Variants in PHF14 observed in about 807,000 individuals in gnomAD.
PHF14 encodes PHD finger protein 14.
PHF14 carries 55 observed loss-of-function variants against 117.9 expected under a neutral mutation model. That is an observed-to-expected ratio of 0.47 (90% CI 0.38 to 0.58). PHF14 has a LOEUF of 0.58. Ranked by LOEUF, PHF14 falls within the 20% of genes least tolerant of loss-of-function variation. The probability of loss-of-function intolerance (pLI) is 0.00; values close to 1 mark genes in which losing one functional copy is unlikely to be tolerated. For synonymous variants in PHF14, 409 were observed against 368.6 expected, an observed-to-expected ratio of 1.11 and a Z score of -1.26; for missense variants, 978 against 1,122.2, an observed-to-expected ratio of 0.87 and a Z score of 1.84.
At chr7:11,061,634 G>A in intron 14 of PHF14, 157 bp from the exon 15 acceptor site, 1 of 430,456 alleles carries the variant, frequency 2.3e-6, no homozygotes, top group Non-Finnish European at 4.1e-6. Context: ...GTAACAAAGT[G>A]CAGTAGTCCA....
chr7:11,131,481 T>G (rs528783003), intron 17 of PHF14, among the ~76,000 whole-genome samples: 1 of 151,914 alleles, frequency 6.6e-6, no homozygotes, highest in Non-Finnish European at 1.5e-5. Context: ...CTTTGGCCTG[T>G]TTTTTAAATT....
chr7:10,976,626 A>C (rs1341108689), intron 2 of PHF14, among the ~76,000 whole-genome samples: 1 of 152,088 alleles, frequency 6.6e-6, no homozygotes, highest in Non-Finnish European at 1.5e-5. Context: ...CAAGTGGTAA[A>C]ACAATCTGAT....
chr7:11,082,988 T>G (rs1786209962), intron 16 of PHF14, among the ~76,000 whole-genome samples: 2 of 152,282 alleles, frequency 1.3e-5, no homozygotes, highest in South Asian at 4.2e-4. Context: ...CTTTCCTTAT[T>G]TGGGAAGAAA....
chr7:11,108,412 A>G (rs1787340402), intron 16 of PHF14: 1 of 151,438 alleles, frequency 6.6e-6, no homozygotes, highest in African/African-American at 2.4e-5. Context: ...TTTGCTACTT[A>G]GTCTTGAAGC....
At chr7:10,985,733 A>G (rs1293972108) in intron 3 of PHF14, among the ~76,000 whole-genome samples, 2 of 129,172 alleles carry the variant, frequency 1.5e-5, no homozygotes, top group African/African-American at 3.0e-5. Context: ...GCTCACTGCA[A>G]CCTCCGCCTC....
intron 17 of PHF14, among the ~76,000 whole-genome samples, chr7:11,115,441 A>G (rs1787568476): frequency 6.6e-6 from 1 of 152,100 alleles, no homozygotes; most frequent in South Asian, 2.1e-4. Flanking sequence ...GTACTATAGA[A>G]CAGGTACATA....
intron 16 of PHF14, among the ~76,000 whole-genome samples, chr7:11,097,209 T>C (rs1050983073): frequency 2.6e-5 from 4 of 151,904 alleles, no homozygotes; most frequent in African/African-American, 9.7e-5. Context: ...GAACTCCCGA[T>C]CTCAGGTGAT....
At chr7:11,003,180 C>G (rs755861054) in intron 4 of PHF14, among the ~76,000 whole-genome samples, 17 of 152,168 alleles carry the variant, frequency 1.1e-4, no homozygotes, top group Non-Finnish European at 2.2e-4. Flanking sequence ...ACCTCGTGGT[C>G]CGCCCGCCTT....
intron 17 of PHF14, among the ~76,000 whole-genome samples, chr7:11,122,281 A>T (rs1041564137): frequency 2.1e-5 from 3 of 145,368 alleles, no homozygotes; most frequent in Non-Finnish European, 4.5e-5. Flanking sequence ...GGGTAACTGA[A>T]ACCTGGGAAA....
At chr7:11,071,695 A>G (rs1262046509) in intron 16 of PHF14, among the ~76,000 whole-genome samples, 1 of 152,192 alleles carries the variant, frequency 6.6e-6, no homozygotes, top group African/African-American at 2.4e-5. Context: ...TTCCAGCGTC[A>G]GGCAACCACT....
intron 16 of PHF14, among the ~76,000 whole-genome samples, chr7:11,067,307 C>G (rs1785457550): frequency 6.6e-6 from 1 of 152,068 alleles, no homozygotes; most frequent in Non-Finnish European, 1.5e-5. Context: ...AATAAATAAA[C>G]AGAAAATAAC....
chr7:11,067,785 G>C (rs1271947689), intron 16 of PHF14, among the ~76,000 whole-genome samples: 1 of 152,124 alleles, frequency 6.6e-6, no homozygotes, highest in Non-Finnish European at 1.5e-5. Flanking sequence ...AAGGAGAACT[G>C]GTATGATCAG....
chr7:11,095,010 A>G (rs1786790885), intron 16 of PHF14, among the ~76,000 whole-genome samples: 2 of 152,058 alleles, frequency 1.3e-5, no homozygotes, highest in Admixed American at 6.6e-5. Flanking sequence ...AGGCAGTTCA[A>G]AGAAACTTCA....
At chr7:11,022,447 A>G (rs1783768539) in intron 5 of PHF14, among the ~76,000 whole-genome samples, 1 of 152,196 alleles carries the variant, frequency 6.6e-6, no homozygotes, top group Non-Finnish European at 1.5e-5. Flanking sequence ...GAGTAAATTC[A>G]CAGTTATTAA....
chr7:11,122,352 T>TATATATATATATACAC, intron 17 of PHF14, among the ~76,000 whole-genome samples: 3 of 65,872 alleles, frequency 4.6e-5, no homozygotes, highest in East Asian at 5.9e-4. Flanking sequence ...TATATATATA[T>TATATATATATATACAC]ACACACACAC....
chr7:11,036,511 C>T lies in PHF14; in HGVS notation c.1696C>T (p.Pro566Ser). The part of the protein sequence containing the change: ...PQAWVPREKL[P>S]RPLTSSASAI... ...GGCCTGGGTTCCAAGGGAAAAATTG[C>T]CCAGACCACTCACCAGCAGTGCTTC... The change falls in exon 9 of 18, where the codon CCC (proline) becomes TCC (serine). Residue 566 changes from proline (P) to serine (S), a missense_variant. This residue lies in a region of PHF14 where 237 missense variants were observed against 276.4 expected (regional missense o/e 0.86). Coordinates refer to ENST00000634607, the MANE Select transcript of PHF14 (RefSeq NM_001007157.2). 1 of 1,613,872 alleles carries T rather than the reference C, an allele frequency of 6.2e-7. No individual in the cohort carries two copies. Among genetic ancestry groups the T allele is most frequent in the Non-Finnish European group, 8.5e-7 (1 of 1,179,818 alleles).
chr7:10,994,378 G>A (rs532019010), intron 4 of PHF14, among the ~76,000 whole-genome samples: 1 of 152,350 alleles, frequency 6.6e-6, no homozygotes, highest in South Asian at 2.1e-4. Context: ...GGCAGAGGTT[G>A]CAGTGAGCTG....
chr7:11,136,893 A>G (rs947354302), intron 17 of PHF14, among the ~76,000 whole-genome samples: 2 of 152,232 alleles, frequency 1.3e-5, no homozygotes, highest in African/African-American at 2.4e-5. Context: ...AAAATTATGA[A>G]CTAGCACATG....
chr7:11,103,376 G>C, intron 16 of PHF14: 1 of 968,740 alleles, frequency 1.0e-6, no homozygotes, highest in Non-Finnish European at 1.2e-6. Context: ...AGGAAATAAG[G>C]AGGGAAGTAC....
Sources: gnomAD v4.1 joint callset for allele counts (sites outside exome capture counted in the v4.1 genomes callset) on GRCh38, gnomAD v4.1.1 for gene constraint, gnomAD v4.1.1 regional missense constraint, MANE v1.5 for transcripts, NCBI Gene and HGNC (gene_info 2026-07-23, HGNC 2026-07-21) for gene names.